Variants in MOB3B observed in about 807,000 individuals in gnomAD.
MOB3B encodes the protein MOB kinase activator 3B.
A neutral mutation model predicts 18.7 loss-of-function variants in MOB3B; 7 were observed. That is an observed-to-expected ratio of 0.37 (90% CI 0.21 to 0.70). The LOEUF is 0.70. MOB3B is among the 30% of genes least tolerant of loss of function. MOB3B has a pLI of 0.52. For missense variants in MOB3B, 253 were observed against 281.3 expected (o/e 0.90, Z 0.72); for synonymous variants, 111 against 99.9 (o/e 1.11, Z -0.66).
intron 1 of MOB3B, among the ~76,000 whole-genome samples, chr9:27,517,152 A>G (rs1207228491): frequency 6.6e-6 from 1 of 152,044 alleles, no homozygotes; most frequent in African/African-American, 2.4e-5. Flanking sequence ...CACTCTCCTA[A>G]TTCAAACTCT....
chr9:27,330,564 C>T lies in MOB3B; in HGVS notation c.*23G>A. Reference sequence around the variant, plus strand: ...CACCAGGAGGAAACAGCTTTCCTTTCTTCCAAAGGGTGAGGTGGAGCATTA... The same window carrying T: ...CACCAGGAGGAAACAGCTTTCCTTTTTTCCAAAGGGTGAGGTGGAGCATTA... On this transcript the variant is annotated 3_prime_UTR_variant, in exon 4 of 4. Transcript: ENST00000262244. 1 of 1,613,732 alleles carries T rather than the reference C, an allele frequency of 6.2e-7. No homozygotes were observed. Among genetic ancestry groups the T allele is most frequent in the South Asian group, 1.1e-5 (1 of 90,926 alleles).
At chr9:27,432,040 A>G (rs1431138899) in intron 2 of MOB3B, among the ~76,000 whole-genome samples, 1 of 152,216 alleles carries the variant, frequency 6.6e-6, no homozygotes, top group Non-Finnish European at 1.5e-5. Flanking sequence ...CACAGAAGCA[A>G]AAGACATCAG....
chr9:27,400,077 G>A (rs1821855737), intron 2 of MOB3B, among the ~76,000 whole-genome samples: 1 of 152,046 alleles, frequency 6.6e-6, no homozygotes, highest in African/African-American at 2.4e-5. Flanking sequence ...GCTCTTCACT[G>A]CCCCTTACAT....
At chr9:27,416,653 C>T (rs1216558995) in intron 2 of MOB3B, among the ~76,000 whole-genome samples, 5 of 148,964 alleles carry the variant, frequency 3.4e-5, no homozygotes, top group Admixed American at 6.8e-5. Context: ...GCCTCACCCT[C>T]CCAAGTAGCT....
chr9:27,452,276 TC>T (rs1822802459), intron 2 of MOB3B, among the ~76,000 whole-genome samples: 2 of 152,204 alleles, frequency 1.3e-5, no homozygotes, highest in Non-Finnish European at 2.9e-5. Flanking sequence ...TGGGTGATAG[TC>T]AGATGAATTA....
chr9:27,465,818 GGCCC>G, intron 1 of MOB3B, among the ~76,000 whole-genome samples: 1 of 152,188 alleles, frequency 6.6e-6, no homozygotes, highest in Non-Finnish European at 1.5e-5. Context: ...GCTCTACGTT[GGCCC>G]TTTCGGCCAC....
At chr9:27,431,726 T>A (rs1379545925) in intron 2 of MOB3B, among the ~76,000 whole-genome samples, 1 of 152,202 alleles carries the variant, frequency 6.6e-6, no homozygotes, top group East Asian at 1.9e-4. Context: ...CTTCTGGGAT[T>A]CTGAAATGCA....
At chr9:27,344,426 C>T (rs753122995) in intron 3 of MOB3B, among the ~76,000 whole-genome samples, 9 of 152,076 alleles carry the variant, frequency 5.9e-5, no homozygotes, top group Non-Finnish European at 1.2e-4. Context: ...GTTGCACTAG[C>T]AACAAAAAAC....
chr9:27,478,823 ACAC>A (rs762496710), intron 1 of MOB3B, among the ~76,000 whole-genome samples: 86 of 151,026 alleles, frequency 5.7e-4, no homozygotes, highest in Non-Finnish European at 9.6e-4. Context: ...ACACACACAC[ACAC>A]ACACACACAC....
At chr9:27,351,565 C>T (rs184519765) in intron 3 of MOB3B, among the ~76,000 whole-genome samples, 16 of 152,360 alleles carry the variant, frequency 1.1e-4, no homozygotes, top group Non-Finnish European at 2.1e-4. Flanking sequence ...GCCAAGGAAG[C>T]CGCCTGACAA....
intron 1 of MOB3B, among the ~76,000 whole-genome samples, chr9:27,526,913 G>A (rs1259572214): frequency 6.6e-6 from 1 of 152,136 alleles, no homozygotes; most frequent in Non-Finnish European, 1.5e-5. Flanking sequence ...ATTACTGGGA[G>A]GAAAGTAAAC....
intron 1 of MOB3B, among the ~76,000 whole-genome samples, chr9:27,517,027 G>C (rs1820245221): frequency 6.6e-6 from 1 of 152,124 alleles, no homozygotes; most frequent in African/African-American, 2.4e-5. Context: ...CTAGAAAACT[G>C]AGTTTCTCCC....
intron 1 of MOB3B, among the ~76,000 whole-genome samples, chr9:27,516,440 C>G (rs9987638): frequency 1.3e-5 from 2 of 152,162 alleles, no homozygotes; most frequent in African/African-American, 4.8e-5. Context: ...TGACCATACT[C>G]TTCAATGAAT....
chr9:27,486,455 A>G (rs72725277), intron 1 of MOB3B, among the ~76,000 whole-genome samples: 15,329 of 152,274 alleles, frequency 0.1, 858 homozygotes, highest in Non-Finnish European at 0.11. Flanking sequence ...TCAAAGCATT[A>G]TGGAGGCAAT....
In MOB3B at chr9:27,461,737, T is replaced by C. The variant is rs10113887; in HGVS notation, c.-198-5989A>G. Among the ~76,000 whole-genome samples, 814 of 152,316 alleles carry C rather than the reference T, an allele frequency of 5.3e-3. 9 individuals are homozygous for C. The highest frequency in any genetic ancestry group is 0.018 in the African/African-American group (756 of 41,568). ...GACATTCTAGCATCAAATGTGTAAG[T>C]AAATAGTGCCAAAATGAAAGCATTA... On this transcript the variant is annotated intron_variant, in intron 1 of 3. Transcript: ENST00000262244.
chr9:27,335,377 G>C lies in MOB3B; in HGVS notation c.622-4761C>G, dbSNP rs373131594. 1.7e-4 allele frequency among the ~76,000 whole-genome samples: 26 copies of C among 152,304 alleles called. No homozygotes were observed. The East Asian group carries it at 4.2e-3, about 25-fold the overall frequency. Reference sequence around the variant, plus strand: ...TTCCCTAATGCGGCAAAACTAATTAGTGGCAGAACTGGACTGCTGGCCTGT... The same window carrying C: ...TTCCCTAATGCGGCAAAACTAATTACTGGCAGAACTGGACTGCTGGCCTGT... On this transcript the variant is annotated intron_variant, in intron 3 of 3. Coordinates refer to ENST00000262244, the MANE Select transcript of MOB3B (RefSeq NM_024761.5).
At chr9:27,433,444 A>G (rs1822446569) in intron 2 of MOB3B, among the ~76,000 whole-genome samples, 1 of 152,204 alleles carries the variant, frequency 6.6e-6, no homozygotes, top group South Asian at 2.1e-4. Flanking sequence ...GATGTTTAGT[A>G]GATTTGAGGG....
At chr9:27,463,935 C>T (rs1055028216) in intron 1 of MOB3B, among the ~76,000 whole-genome samples, 1 of 151,690 alleles carries the variant, frequency 6.6e-6, no homozygotes, top group Non-Finnish European at 1.5e-5. Context: ...CCAGCCTGGG[C>T]AGCAGCATGA....
chr9:27,384,101 C>T (rs141400151), intron 2 of MOB3B, among the ~76,000 whole-genome samples: 1 of 151,970 alleles, frequency 6.6e-6, no homozygotes. Context: ...ATAATAGAAA[C>T]TTTGGGGAAT....
Sources: allele counts gnomAD v4.1 joint callset (sites outside exome capture counted in the v4.1 genomes callset), GRCh38; gene constraint gnomAD v4.1.1; transcripts MANE v1.5; gene names NCBI Gene and HGNC (gene_info 2026-07-23, HGNC 2026-07-21).